The following KAZN variants were observed in gnomAD, a reference collection of about 807,000 sequenced individuals.
KAZN encodes the protein kazrin.
A neutral mutation model predicts 87.4 loss-of-function variants in KAZN; 40 were observed. The observed-to-expected ratio is 0.46, with a 90% CI of 0.36 to 0.60. The LOEUF is 0.60. Ranked by LOEUF, KAZN falls within the 20% of genes least tolerant of loss-of-function variation. KAZN has a pLI of 0.00. For synonymous variants in KAZN, 466 were observed against 458.3 expected, an observed-to-expected ratio of 1.02 and a Z score of -0.22; for missense variants, 898 against 1,073.9, an observed-to-expected ratio of 0.84 and a Z score of 2.29.
chr1:14,824,110 T>A (rs1646814034), intron 1 of KAZN, among the ~76,000 whole-genome samples: 1 of 35,680 alleles, frequency 2.8e-5, no homozygotes. Context: ...CAAGACTCCA[T>A]CTCAAAAAAA....
chr1:14,991,984 A>G (rs1667406669), intron 2 of KAZN, among the ~76,000 whole-genome samples: 1 of 152,176 alleles, frequency 6.6e-6, no homozygotes, highest in South Asian at 2.1e-4. Flanking sequence ...GGTTGTCACC[A>G]TCACTGTGGC....
intron 1 of KAZN, among the ~76,000 whole-genome samples, chr1:14,784,736 G>A (rs902121617): frequency 6.6e-6 from 1 of 152,108 alleles, no homozygotes; most frequent in Non-Finnish European, 1.5e-5. Flanking sequence ...TCCGGCCTGG[G>A]CAACAGAGCA....
intron 2 of KAZN, among the ~76,000 whole-genome samples, chr1:14,552,265 T>C (rs983505740): frequency 2.0e-5 from 3 of 152,206 alleles, no homozygotes; most frequent in African/African-American, 7.2e-5. Flanking sequence ...GGAAGAGATC[T>C]TGAGCGGTTC....
chr1:14,465,621 G>A (rs1255989003), intron 2 of KAZN, among the ~76,000 whole-genome samples: 2 of 152,066 alleles, frequency 1.3e-5, no homozygotes, highest in Non-Finnish European at 2.9e-5. Flanking sequence ...CTCAGAAATT[G>A]CAGAACATTA....
At chr1:14,588,635 G>A (rs1244641435) in intron 2 of KAZN, among the ~76,000 whole-genome samples, 2 of 152,210 alleles carry the variant, frequency 1.3e-5, no homozygotes, top group African/African-American at 2.4e-5. Context: ...AAAGGTGTCC[G>A]TGAGCTAGCC....
At chr1:14,822,920 G>A (rs989579349) in intron 1 of KAZN, among the ~76,000 whole-genome samples, 2 of 152,170 alleles carry the variant, frequency 1.3e-5, no homozygotes, top group South Asian at 2.1e-4. Flanking sequence ...GGCCCGTGCC[G>A]CTTTGGCCAC....
At chr1:14,165,970 G>A (rs1164936355) in intron 1 of KAZN, among the ~76,000 whole-genome samples, 2 of 152,124 alleles carry the variant, frequency 1.3e-5, no homozygotes, top group Non-Finnish European at 2.9e-5. Context: ...CATACAAAGA[G>A]CCGGCAGCAG....
At chr1:14,457,361 G>C (rs1402990795) in intron 2 of KAZN, among the ~76,000 whole-genome samples, 1 of 151,988 alleles carries the variant, frequency 6.6e-6, no homozygotes, top group African/African-American at 2.4e-5. Flanking sequence ...TTCTCTACCA[G>C]GGTTGCCTGT....
intron 1 of KAZN, among the ~76,000 whole-genome samples, chr1:14,847,699 G>A (rs1366705975): frequency 1.3e-5 from 2 of 152,246 alleles, no homozygotes; most frequent in Non-Finnish European, 2.9e-5. Flanking sequence ...AGCACCTGGG[G>A]CAGGGGCACA....
intron 2 of KAZN, among the ~76,000 whole-genome samples, chr1:15,006,509 A>G (rs1460548678): frequency 6.6e-6 from 1 of 152,204 alleles, no homozygotes; most frequent in Non-Finnish European, 1.5e-5. Context: ...ATTTTATCCC[A>G]TCCACAGGGC....
intron 2 of KAZN, among the ~76,000 whole-genome samples, chr1:14,228,382 A>G (rs959530225): frequency 4.6e-5 from 7 of 152,182 alleles, no homozygotes; most frequent in Non-Finnish European, 7.4e-5. Context: ...TAAAATTAGA[A>G]ACTGGGGAAC....
chr1:14,900,187 A>T (rs1408305510), intron 1 of KAZN, among the ~76,000 whole-genome samples: 1 of 152,242 alleles, frequency 6.6e-6, no homozygotes, highest in African/African-American at 2.4e-5. Flanking sequence ...GAACAGCCTC[A>T]AAGACCCCAG....
chr1:14,688,287 G>A (rs925562320), intron 1 of KAZN, among the ~76,000 whole-genome samples: 5 of 152,268 alleles, frequency 3.3e-5, no homozygotes, highest in African/African-American at 9.6e-5. Context: ...ACTTTCCCTC[G>A]CTGGGCCTGT....
At chr1:14,145,402 C>T (rs1372953738) in intron 1 of KAZN, among the ~76,000 whole-genome samples, 2 of 152,050 alleles carry the variant, frequency 1.3e-5, no homozygotes, top group African/African-American at 4.8e-5. Context: ...TATGATTGCA[C>T]TACTGCACTC....
intron 1 of KAZN, among the ~76,000 whole-genome samples, chr1:14,722,241 A>T (rs773792975): frequency 8.5e-5 from 13 of 152,144 alleles, no homozygotes; most frequent in Admixed American, 2.0e-4. Context: ...ATTTAAGCAA[A>T]TTTCCATGTG....
chr1:14,092,028 T>G (rs1035576818), intron 1 of KAZN, among the ~76,000 whole-genome samples: 2 of 152,140 alleles, frequency 1.3e-5, no homozygotes, highest in Non-Finnish European at 2.9e-5. Context: ...TAATGGCTCT[T>G]AAGTGGTGCT....
intron 2 of KAZN, among the ~76,000 whole-genome samples, chr1:14,233,749 T>C (rs977756736): frequency 6.6e-6 from 1 of 152,236 alleles, no homozygotes; most frequent in African/African-American, 2.4e-5. Flanking sequence ...GTGTGTCTTT[T>C]GTATGCAGAG....
chr1:14,872,999 CATGGATGGATGG>C (rs150273318), intron 1 of KAZN, among the ~76,000 whole-genome samples: 2 of 140,612 alleles, frequency 1.4e-5, no homozygotes, highest in Non-Finnish European at 3.1e-5. Context: ...TAGAAGGATA[CATGGATGGATGG>C]ATGGATGGAT....
chr1:14,224,106 G>A (rs72644418), intron 2 of KAZN, among the ~76,000 whole-genome samples: 5,531 of 152,200 alleles, frequency 0.036, 165 homozygotes, highest in East Asian at 0.097. Flanking sequence ...AAACTTCAGG[G>A]GTGAACAACT....
Sources: allele counts gnomAD v4.1 joint callset (sites outside exome capture counted in the v4.1 genomes callset), GRCh38; gene constraint gnomAD v4.1.1; transcripts MANE v1.5; gene names NCBI Gene and HGNC (gene_info 2026-07-23, HGNC 2026-07-21).